Variants in GTPBP6 observed in about 807,000 individuals in gnomAD.
GTPBP6 encodes GTP binding protein 6.
In GTPBP6, 33 loss-of-function variants were observed where a neutral mutation model predicts 28.9. That is an observed-to-expected ratio of 1.14 (90% CI 0.87 to 1.53). The LOEUF is 1.53. Ranked by LOEUF, GTPBP6 falls within the 40% of genes most tolerant of loss-of-function variation. The probability of loss-of-function intolerance (pLI) is 0.00; values close to 1 mark genes in which losing one functional copy is unlikely to be tolerated. For missense variants in GTPBP6, 507 were observed against 408.3 expected (o/e 1.24, Z -2.08); for synonymous variants, 231 against 192.7 (o/e 1.20, Z -1.65).
At chrX:307,360 C>G in exon 9 of GTPBP6, 2 of 1,611,906 alleles carry the variant, frequency 1.2e-6, no homozygotes, top group Non-Finnish European at 1.7e-6. Context: ...GGCCGCTCAC[C>G]TGAGCTGCGC....
Position 314,262 on chromosome X carries a change from C to A in GTPBP6, c.690-45G>T, listed in dbSNP as rs375631239. ...GGCTCGGTCTCTGCGGACGCTGTCT[C>A]CCTCCCGGCAGAGGTCGAGGTGAAG... On this transcript the variant is annotated intron_variant, in intron 4 of 9. Coordinates refer to ENST00000326153, the Ensembl canonical transcript of GTPBP6. 6.0e-5 allele frequency: 90 copies of A among 1,509,170 alleles called. 1 individual carries two copies. The highest frequency in any genetic ancestry group is 7.8e-5 in the Non-Finnish European group (85 of 1,085,798). 93.5% of individuals were successfully genotyped at this position (1,509,170 alleles called of 1,614,324 possible).
chrX:309,676 C>T (rs1020281864), intron 7 of GTPBP6, among the ~76,000 whole-genome samples: 13 of 151,320 alleles, frequency 8.6e-5, no homozygotes, highest in East Asian at 5.8e-4. Context: ...AGCCCAGGGA[C>T]GCCTGGAGCC....
intron 5 of GTPBP6, among the ~76,000 whole-genome samples, chrX:313,770 G>C (rs1465847927): frequency 1.3e-5 from 2 of 152,284 alleles, no homozygotes; most frequent in East Asian, 1.9e-4. Context: ...GCCCCCAGGA[G>C]CTGGGAGAGG....
In GTPBP6 at chrX:312,707, C is replaced by G. The variant is rs767673329; in HGVS notation, c.916+59G>C. 7 of 1,520,036 alleles carry G rather than the reference C, an allele frequency of 4.6e-6. No individual in the cohort carries two copies. In the African/African-American group the frequency reaches 1.0e-4, roughly 23 times the overall value. 94.2% of individuals were successfully genotyped at this position (1,520,036 alleles called of 1,614,324 possible). Reference sequence around the variant, plus strand: ...CAGGGACCCCCTGCCCTCCCCCGGGCGAGTCCTCACCGGTGACACGGAGAC... The same window carrying G: ...CAGGGACCCCCTGCCCTCCCCCGGGGGAGTCCTCACCGGTGACACGGAGAC... On this transcript the variant is annotated intron_variant, in intron 6 of 9. Coordinates refer to ENST00000326153, the Ensembl canonical transcript of GTPBP6.
At chrX:314,174 C>T (rs182014484) in exon 5 of GTPBP6, 73 of 1,613,176 alleles carry the variant, frequency 4.5e-5, no homozygotes, top group African/African-American at 1.7e-4. Flanking sequence ...TAGCGCGAGC[C>T]GACTCCTCGG....
chrX:316,957 G>T (rs1406319255), exon 2 of GTPBP6: 7 of 398,562 alleles, frequency 1.8e-5, no homozygotes, highest in Non-Finnish European at 2.7e-5. Context: ...TGAGCTTCCT[G>T]TCCGGCGTTT....
Position 307,515 on chromosome X carries a change from G to T in GTPBP6, c.1275-3C>A, listed in dbSNP as rs767993445. The stretch of plus-strand genomic sequence containing the variant: ...CGTTCGGTTCCGTGGGGCTGTACCT[G>T]CAAGGGTGGGGATGTCACAGGCCCC... On this transcript the variant is annotated splice_polypyrimidine_tract_variant and splice_region_variant and intron_variant, in intron 8 of 9. Coordinates refer to ENST00000326153, the Ensembl canonical transcript of GTPBP6. 6 of 1,610,532 alleles carry T rather than the reference G, an allele frequency of 3.7e-6. No individual in the cohort carries two copies. Among genetic ancestry groups the T allele is most frequent in the Non-Finnish European group, 5.1e-6 (6 of 1,179,304 alleles).
At chrX:309,043 G>A (rs2070231599) in intron 7 of GTPBP6, among the ~76,000 whole-genome samples, 1 of 152,150 alleles carries the variant, frequency 6.6e-6, no homozygotes, top group African/African-American at 2.4e-5. Flanking sequence ...ATTGTCGGGA[G>A]GAGTCGAAAG....
At chrX:311,695 G>A in intron 6 of GTPBP6, 68 bp from the exon 7 acceptor site, 2 of 1,326,766 alleles carry the variant, frequency 1.5e-6, no homozygotes, top group East Asian at 4.6e-5. Flanking sequence ...CCGCAGCCAG[G>A]CCCTCCAAAT....
chrX:307,670 C>T (rs2070200638), intron 8 of GTPBP6, 62 bp downstream of exon 8: 2 of 1,444,350 alleles, frequency 1.4e-6, no homozygotes, highest in Admixed American at 2.7e-5. Context: ...GGGGCATCTC[C>T]CCACCCGGCT....
chrX:305,240 A>G (rs2070131850), intron 9 of GTPBP6, 43 bp from the exon 10 acceptor site: 1 of 1,413,782 alleles, frequency 7.1e-7, no homozygotes, highest in African/African-American at 1.4e-5. Context: ...CAGAACCCGT[A>G]AGTATTTGCT....
At chrX:318,150 G>C (rs1376177667) in intron 1 of GTPBP6, among the ~76,000 whole-genome samples, 1 of 145,726 alleles carries the variant, frequency 6.9e-6, no homozygotes, top group African/African-American at 2.6e-5. Flanking sequence ...CCCCGTCCCT[G>C]AATCTCTACC....
At chrX:311,068 A>ACGGC (rs2070277485) in intron 7 of GTPBP6, among the ~76,000 whole-genome samples, 2 of 152,052 alleles carry the variant, frequency 1.3e-5, no homozygotes, top group African/African-American at 2.4e-5. Flanking sequence ...CGGCAAGAAC[A>ACGGC]TGGCCCTGAG....
At chrX:315,789 GGGACACAAACACATACACACGCAGAC>G in intron 2 of GTPBP6, among the ~76,000 whole-genome samples, 1 of 25,242 alleles carries the variant, frequency 4.0e-5, no homozygotes, top group African/African-American at 1.2e-4. Context: ...CATCCCAGCA[GGGACACAAACACATACACACGCAGAC>G]ACACACACAC....
At chrX:317,731 ACGGACCCCACGGG>A (rs2070466211) in intron 1 of GTPBP6, among the ~76,000 whole-genome samples, 3 of 21,200 alleles carry the variant, frequency 1.4e-4, no homozygotes, top group Admixed American at 5.6e-4. Context: ...ACCCCACCCC[ACGGACCCCACGGG>A]CCCCACCCCA....
At chrX:309,365 C>A (rs897542887) in intron 7 of GTPBP6, among the ~76,000 whole-genome samples, 3 of 152,130 alleles carry the variant, frequency 2.0e-5, no homozygotes, top group African/African-American at 7.2e-5. Context: ...AGAATGGGAC[C>A]CTACCCAGAA....
At chrX:311,878 C>T (rs778143661) in intron 6 of GTPBP6, 92 of 603,642 alleles carry the variant, frequency 1.5e-4, no homozygotes, top group Non-Finnish European at 2.4e-4. Context: ...GACGGGTGTG[C>T]GTGTGAAGGC....
intron 8 of GTPBP6, 36 bp from the exon 9 acceptor site, chrX:307,548 G>A (rs1359362761): frequency 3.7e-6 from 6 of 1,603,130 alleles, no homozygotes; most frequent in Non-Finnish European, 2.6e-6. Flanking sequence ...CCCGCTCAGC[G>A]TCGGGGCGGC....
At position 311,389 on chromosome X, in the gene GTPBP6, G is replaced by A. The variant is rs182087226; in HGVS notation, c.1125+30C>T. 5.0e-3 allele frequency: 7,768 copies of A among 1,544,782 alleles called. 496 individuals are homozygous for A. The African/African-American group carries it at 0.062, about 12-fold the overall frequency. On this transcript the variant is annotated intron_variant, in intron 7 of 9. Transcript: ENST00000326153. Reference sequence around the variant, plus strand: ...GCCCCCGTGCCGAATGGGTGTCCGAGCACCCGATCCCCGGCCGTCCCACGC... The same window carrying A: ...GCCCCCGTGCCGAATGGGTGTCCGAACACCCGATCCCCGGCCGTCCCACGC...
Sources: allele counts gnomAD v4.1 joint callset (sites outside exome capture counted in the v4.1 genomes callset), GRCh38; gene constraint gnomAD v4.1.1; transcripts MANE v1.5; gene names NCBI Gene and HGNC (gene_info 2026-07-23, HGNC 2026-07-21).